Variants in KCNT2 observed in about 807,000 individuals in gnomAD.
The protein encoded by KCNT2 is potassium channel subfamily T member 2.
A neutral mutation model predicts 153.8 loss-of-function variants in KCNT2; 67 were observed. The ratio of observed to expected loss-of-function variants is 0.44; its 90% CI spans 0.36 to 0.53. KCNT2 has a LOEUF of 0.53. Ranked by LOEUF, KCNT2 falls within the 20% of genes least tolerant of loss-of-function variation. KCNT2 has a pLI of 0.00. For synonymous variants in KCNT2, 500 were observed against 458.8 expected (o/e 1.09, Z -1.15); for missense variants, 975 against 1,354.8 (o/e 0.72, Z 4.40).
At chr1:196,447,518 A>G (rs894705262) in intron 8 of KCNT2, among the ~76,000 whole-genome samples, 1 of 151,534 alleles carries the variant, frequency 6.6e-6, no homozygotes, top group Admixed American at 6.6e-5. Context: ...AGAGATAAGC[A>G]TTATAAGGGA....
chr1:196,572,619 A>C (rs573943527), intron 1 of KCNT2, among the ~76,000 whole-genome samples: 1 of 152,180 alleles, frequency 6.6e-6, no homozygotes, highest in South Asian at 2.1e-4. Flanking sequence ...ATTATCATGG[A>C]ATGCAAAGGC....
chr1:196,394,587 C>T (rs16839872), intron 13 of KCNT2, among the ~76,000 whole-genome samples: 8,738 of 151,326 alleles, frequency 0.058, 395 homozygotes, highest in Non-Finnish European at 0.085. Flanking sequence ...AGATATTGAC[C>T]ATGCAGTTGA....
At chr1:196,277,219 T>G (rs1234791764) in intron 25 of KCNT2, among the ~76,000 whole-genome samples, 1 of 152,096 alleles carries the variant, frequency 6.6e-6, no homozygotes, top group Non-Finnish European at 1.5e-5. Context: ...TGTTGGGAAT[T>G]TTTAGTTGTC....
At chr1:196,450,703 C>T (rs1178540556) in intron 8 of KCNT2, among the ~76,000 whole-genome samples, 1 of 151,872 alleles carries the variant, frequency 6.6e-6, no homozygotes, top group Non-Finnish European at 1.5e-5. Context: ...AACCTCTTTC[C>T]TGGAGTCCCA....
chr1:196,336,631 C>A (rs1338928777), intron 16 of KCNT2, among the ~76,000 whole-genome samples: 2 of 152,162 alleles, frequency 1.3e-5, no homozygotes, highest in Non-Finnish European at 2.9e-5. Context: ...TTCTACCATT[C>A]TTTCCCAAAC....
At chr1:196,321,454 G>T (rs1663306710) in intron 19 of KCNT2, among the ~76,000 whole-genome samples, 1 of 151,948 alleles carries the variant, frequency 6.6e-6, no homozygotes, top group Admixed American at 6.6e-5. Context: ...GTCTAGCAGA[G>T]AATATAAAAG....
chr1:196,581,525 T>C (rs1348717738), intron 1 of KCNT2, among the ~76,000 whole-genome samples: 1 of 152,026 alleles, frequency 6.6e-6, no homozygotes, highest in Non-Finnish European at 1.5e-5. Context: ...CCTTATTCCC[T>C]GAGGCTATTC....
chr1:196,363,474 A>G (rs1667790021), intron 14 of KCNT2, among the ~76,000 whole-genome samples: 1 of 152,146 alleles, frequency 6.6e-6, no homozygotes, highest in African/African-American at 2.4e-5. Flanking sequence ...TAGGATTTGA[A>G]TATGTTCCCT....
chr1:196,395,357 T>C (rs568816408), intron 13 of KCNT2, among the ~76,000 whole-genome samples: 149 of 151,696 alleles, frequency 9.8e-4, no homozygotes, highest in Non-Finnish European at 1.6e-3. Flanking sequence ...ATCTCTCTTA[T>C]AAACTGTTTG....
At chr1:196,416,033 C>T (rs1169773859) in intron 12 of KCNT2, among the ~76,000 whole-genome samples, 1 of 151,894 alleles carries the variant, frequency 6.6e-6, no homozygotes, top group Non-Finnish European at 1.5e-5. Context: ...AGTTATATGC[C>T]ATTCTAAGTA....
rs199836975 is a variant in KCNT2 at position 196,570,067 on chromosome 1, T to TAAAAAAAAAAAAAAAAAAAA, written c.95+38128_95+38147dup. 1.9e-4 allele frequency among the ~76,000 whole-genome samples: 26 copies of TAAAAAAAAAAAAAAAAAAAA among 133,742 alleles called. 2 individuals are homozygous for TAAAAAAAAAAAAAAAAAAAA. The highest frequency in any genetic ancestry group is 9.1e-4 in the African/African-American group (25 of 27,558). 87.7% of individuals were successfully genotyped at this position (133,742 alleles called of 152,430 possible). A position where few individuals can be genotyped will look rare whatever the true frequency, so the allele number is the denominator to read the frequency against. ...TGAGTCCAGGAAGCTTGAGCTAGAG[T>TAAAAAAAAAAAAAAAAAAAA]AAAAAAAAAAAAAAAAAAAAAAAAA... On this transcript the variant is annotated intron_variant, in intron 1 of 27. Transcript: ENST00000294725.
chr1:196,254,393 C>T (rs747114872), intron 26 of KCNT2, among the ~76,000 whole-genome samples: 10 of 151,410 alleles, frequency 6.6e-5, no homozygotes, highest in Admixed American at 1.3e-4. Context: ...AAATCCAGTG[C>T]CAATTCCTTC....
chr1:196,317,538 T>C lies in KCNT2; in HGVS notation c.2349-1512A>G, dbSNP rs139779863. Among the ~76,000 whole-genome samples, 719 of 151,838 alleles carry C rather than the reference T, an allele frequency of 4.7e-3. 3 individuals carry two copies. The highest frequency in any genetic ancestry group is 0.016 in the African/African-American group (672 of 41,484). On this transcript the variant is annotated intron_variant, in intron 20 of 27. Coordinates refer to ENST00000294725, the MANE Select transcript of KCNT2 (RefSeq NM_198503.5). ...GTCTTCACACCACCTTATCATAATT[T>C]TACATCACTTTCTCATATTTCAGCT...
intron 26 of KCNT2, among the ~76,000 whole-genome samples, chr1:196,243,891 CT>C (rs1000466809): frequency 1.3e-5 from 2 of 152,004 alleles, no homozygotes; most frequent in African/African-American, 4.8e-5. Context: ...TGTGCCACCC[CT>C]CCCCCAAACC....
At chr1:196,403,318 T>C (rs1671571816) in intron 12 of KCNT2, among the ~76,000 whole-genome samples, 1 of 151,706 alleles carries the variant, frequency 6.6e-6, no homozygotes, top group Non-Finnish European at 1.5e-5. Flanking sequence ...ACATACTGCA[T>C]GATTACAACT....
chr1:196,278,913 T>A (rs1429372406), intron 25 of KCNT2, among the ~76,000 whole-genome samples: 1 of 152,182 alleles, frequency 6.6e-6, no homozygotes, highest in Non-Finnish European at 1.5e-5. Context: ...GGGAAGGTGA[T>A]TAGATCATGA....
intron 26 of KCNT2, among the ~76,000 whole-genome samples, chr1:196,244,630 G>A (rs1358055482): frequency 2.0e-5 from 3 of 152,108 alleles, no homozygotes; most frequent in African/African-American, 7.2e-5. Flanking sequence ...GGAAGGGGAG[G>A]GAAGAGAGGG....
At chr1:196,528,909 C>T (rs1654587944) in intron 1 of KCNT2, among the ~76,000 whole-genome samples, 2 of 152,054 alleles carry the variant, frequency 1.3e-5, no homozygotes, top group South Asian at 4.1e-4. Context: ...CATTAGATTG[C>T]CCCATGCCTT....
Position 196,340,532 on chromosome 1 carries a change from T to A in KCNT2, c.1592A>T (p.Asn531Ile). The A allele has an allele frequency of 6.2e-7, 1 of 1,610,498 alleles. No homozygotes were observed. Among genetic ancestry groups the A allele is most frequent in the Non-Finnish European group, 8.5e-7 (1 of 1,178,004 alleles). Residue 531 changes from asparagine (N) to isoleucine (I), a missense_variant, in exon 16 of 28, where the codon AAT becomes ATT. Transcript: ENST00000294725. ...ACCTGGATTCAGCAAAATGTTTTTA[T>A]TATCCTCCCTCCTAACACCAATCAA... ...VCLIGVRRED[N>I]KNILLNPGPR...
Sources: allele counts gnomAD v4.1 joint callset (sites outside exome capture counted in the v4.1 genomes callset), GRCh38; gene constraint gnomAD v4.1.1; transcripts MANE v1.5; gene names NCBI Gene and HGNC (gene_info 2026-07-23, HGNC 2026-07-21).